Variants in PGPEP1 observed in about 807,000 individuals in gnomAD.
The protein encoded by PGPEP1 is pyroglutamyl-peptidase I.
PGPEP1 carries 15 observed loss-of-function variants against 24.1 expected under a neutral mutation model. The observed-to-expected ratio is 0.62, with a 90% CI of 0.42 to 0.96. The LOEUF is 0.96. Ranked by LOEUF, PGPEP1 falls within the 40% of genes least tolerant of loss-of-function variation. PGPEP1 has a pLI of 0.00. For missense variants in PGPEP1, 242 were observed against 273.4 expected, an observed-to-expected ratio of 0.89 and a Z score of 0.81; for synonymous variants, 122 against 116.4, an observed-to-expected ratio of 1.05 and a Z score of -0.31.
At position 18,364,536 on chromosome 19, in the gene PGPEP1, C is replaced by T. The variant is rs1971471207; in HGVS notation, c.*953C>T. On this transcript the variant is annotated 3_prime_UTR_variant, in exon 5 of 5. Transcript: ENST00000269919. ...GGCTGAGGCTGGAGAATCGCTTGAA[C>T]TTGGGAGGCAGAGGTTGCAGTGAGC... The T allele has an allele frequency of 6.6e-6, 1 of 152,356 alleles. No individual in the cohort carries two copies. Among genetic ancestry groups the T allele is most frequent in the African/African-American group, 2.4e-5 (1 of 41,464 alleles). The allele number at this position is 152,356 out of a possible 1,614,324, so 9.4% of individuals were successfully genotyped here.
At chr19:18,342,985 G>T (rs1016898203) in intron 2 of PGPEP1, 74 bp downstream of exon 2, 2 of 1,147,442 alleles carry the variant, frequency 1.7e-6, no homozygotes, top group Middle Eastern at 2.0e-4. Context: ...ATCCAAGAAG[G>T]TCCCCTTTTA....
intron 4 of PGPEP1, chr19:18,362,004 G>A: frequency 2.8e-6 from 1 of 359,164 alleles, no homozygotes; most frequent in Non-Finnish European, 3.9e-6. Context: ...CTGTCAGTGG[G>A]CTTTAGGTTG....
Position 18,363,764 on chromosome 19 carries a change from G to A in PGPEP1, c.*181G>A. 1 of 506,254 alleles carries A rather than the reference G, an allele frequency of 2.0e-6. No homozygotes were observed. Among genetic ancestry groups the A allele is most frequent in the East Asian group, 3.1e-5 (1 of 32,058 alleles). The allele number at this position is 506,254 out of a possible 1,614,324, so 31.4% of individuals were successfully genotyped here. A position where few individuals can be genotyped will look rare whatever the true frequency, so the allele number is the denominator to read the frequency against. The stretch of plus-strand genomic sequence containing the variant: ...TACAAAAGCTCCGGTTGATTCGAGG[G>A]AAGTGGTGAAAATTTTTTTTTCTCC... On this transcript the variant is annotated 3_prime_UTR_variant, in exon 5 of 5. Coordinates refer to ENST00000269919, the MANE Select transcript of PGPEP1 (RefSeq NM_017712.4).
intron 2 of PGPEP1, among the ~76,000 whole-genome samples, chr19:18,355,404 G>A (rs1222549199): frequency 2.0e-5 from 3 of 152,072 alleles, no homozygotes; most frequent in African/African-American, 7.2e-5. Flanking sequence ...GAGATTACAG[G>A]TGTGTGCCAC....
chr19:18,352,613 G>T (rs1442260553), intron 2 of PGPEP1, among the ~76,000 whole-genome samples: 1 of 151,862 alleles, frequency 6.6e-6, no homozygotes, highest in African/African-American at 2.4e-5. Flanking sequence ...GAGTGCAGTG[G>T]CACAATCTGG....
intron 2 of PGPEP1, among the ~76,000 whole-genome samples, chr19:18,351,010 A>C (rs1309256625): frequency 2.6e-5 from 4 of 152,210 alleles, no homozygotes; most frequent in Non-Finnish European, 5.9e-5. Flanking sequence ...ACAGTGGCTC[A>C]CGTCTGTAAT....
intron 4 of PGPEP1, among the ~76,000 whole-genome samples, chr19:18,358,479 C>T (rs944989769): frequency 2.6e-5 from 4 of 151,904 alleles, no homozygotes; most frequent in African/African-American, 9.7e-5. Context: ...AGGCTGGTCT[C>T]GAACTCCCGA....
chr19:18,344,015 A>G (rs17724992), intron 2 of PGPEP1, among the ~76,000 whole-genome samples: 35,847 of 151,868 alleles, frequency 0.24, 5,097 homozygotes, highest in East Asian at 0.46. Context: ...AATCTTTTCC[A>G]TTGACTCAGA....
At chr19:18,357,758 C>T (rs1441479020) in intron 4 of PGPEP1, 143 bp downstream of exon 4, 18 of 644,680 alleles carry the variant, frequency 2.8e-5, no homozygotes, top group South Asian at 7.2e-5. Flanking sequence ...AGTATTTGTA[C>T]GTAGCAGGTG....
chr19:18,342,625 G>A (rs1457834211), intron 1 of PGPEP1, among the ~76,000 whole-genome samples: 1 of 152,184 alleles, frequency 6.6e-6, no homozygotes, highest in Non-Finnish European at 1.5e-5. Context: ...TGAGGGGCAG[G>A]TGGAGGTGAA....
intron 4 of PGPEP1, chr19:18,361,742 A>G (rs933331032): frequency 3.0e-6 from 3 of 985,278 alleles, no homozygotes; most frequent in African/African-American, 3.5e-5. Context: ...ACTGACTGAC[A>G]CGTTTCCGTA....
chr19:18,348,626 C>T (rs1177302720), intron 2 of PGPEP1, among the ~76,000 whole-genome samples: 1 of 152,178 alleles, frequency 6.6e-6, no homozygotes, highest in African/African-American at 2.4e-5. Flanking sequence ...GATTACCAGC[C>T]ACACACTTCC....
At chr19:18,348,669 C>T (rs1444909740) in intron 2 of PGPEP1, among the ~76,000 whole-genome samples, 6 of 152,042 alleles carry the variant, frequency 3.9e-5, no homozygotes, top group Non-Finnish European at 8.8e-5. Context: ...TGGCAGGTGG[C>T]TCCCTGCCGT....
chr19:18,351,396 A>G (rs921333410), intron 2 of PGPEP1, among the ~76,000 whole-genome samples: 2 of 151,662 alleles, frequency 1.3e-5, no homozygotes, highest in Non-Finnish European at 2.9e-5. Flanking sequence ...AGGCTGAGGC[A>G]GGCGGATCAC....
intron 2 of PGPEP1, among the ~76,000 whole-genome samples, chr19:18,347,987 A>C (rs1167779986): frequency 6.6e-6 from 1 of 152,058 alleles, no homozygotes; most frequent in South Asian, 2.1e-4. Flanking sequence ...TCATGCCCAC[A>C]GCATAGGTGG....
At position 18,345,618 on chromosome 19, in the gene PGPEP1, G is replaced by A. The variant is rs145177595; in HGVS notation, c.87+2707G>A. ...CGCATGCCTGTAGTCCCAGCTACTC[G>A]GGAGGCTAATATGGGAGGATCACCT... On this transcript the variant is annotated intron_variant, in intron 2 of 4. Coordinates refer to ENST00000269919, the MANE Select transcript of PGPEP1 (RefSeq NM_017712.4). Among the ~76,000 whole-genome samples the A allele has an allele frequency of 5.2e-3, 787 of 150,968 alleles. 9 individuals carry two copies. The highest frequency in any genetic ancestry group is 8.9e-3 in the Non-Finnish European group (600 of 67,784).
chr19:18,354,747 G>A (rs1255703863), intron 2 of PGPEP1, among the ~76,000 whole-genome samples: 1 of 151,970 alleles, frequency 6.6e-6, no homozygotes, highest in South Asian at 2.1e-4. Context: ...CAAACTCCTG[G>A]GTTCAAGCGA....
chr19:18,357,914 GCAGT>G (rs1218366566), intron 4 of PGPEP1: 19 of 418,454 alleles, frequency 4.5e-5, no homozygotes, highest in Non-Finnish European at 2.2e-5. Flanking sequence ...CCCAACCCAA[GCAGT>G]CAGTTTCTGT....
chr19:18,361,571 C>T (rs1365115727), intron 4 of PGPEP1: 1 of 226,680 alleles, frequency 4.4e-6, no homozygotes, highest in Non-Finnish European at 7.3e-6. Context: ...AGGTGTGAGC[C>T]ACCATACCCA....
Sources: gnomAD v4.1 joint callset for allele counts (sites outside exome capture counted in the v4.1 genomes callset) on GRCh38, gnomAD v4.1.1 for gene constraint, MANE v1.5 for transcripts, NCBI Gene and HGNC (gene_info 2026-07-23, HGNC 2026-07-21) for gene names.